VTI1A: variants seen among roughly 807,000 people sequenced by gnomAD.
VTI1A encodes the protein vesicle transport through interaction with t-SNAREs 1A.
A neutral mutation model predicts 34.9 loss-of-function variants in VTI1A; 22 were observed. That is an observed-to-expected ratio of 0.63 (90% CI 0.45 to 0.90). VTI1A has a LOEUF of 0.90. VTI1A is among the 40% of genes least tolerant of loss of function. The pLI is 0.00. For missense variants in VTI1A, 268 were observed against 275.6 expected (o/e 0.97, Z 0.20); for synonymous variants, 87 against 97.3 (o/e 0.89, Z 0.62).
At chr10:112,581,668 T>A (rs1362460134) in intron 5 of VTI1A, among the ~76,000 whole-genome samples, 1 of 152,222 alleles carries the variant, frequency 6.6e-6, no homozygotes, top group Non-Finnish European at 1.5e-5. Flanking sequence ...TTTCCATTTA[T>A]GTTTATAGAG....
At chr10:112,777,751 A>G (rs1330042128) in intron 7 of VTI1A, among the ~76,000 whole-genome samples, 3 of 152,228 alleles carry the variant, frequency 2.0e-5, no homozygotes, top group African/African-American at 7.2e-5. Context: ...GAAGTGCTGC[A>G]GTGAAACTCG....
intron 5 of VTI1A, among the ~76,000 whole-genome samples, chr10:112,638,485 A>C (rs1035189628): frequency 1.3e-5 from 2 of 152,186 alleles, no homozygotes; most frequent in African/African-American, 4.8e-5. Context: ...TCCCCTAAAT[A>C]TTTATTTATC....
At chr10:112,482,514 T>C (rs780483349) in intron 3 of VTI1A, among the ~76,000 whole-genome samples, 10 of 152,124 alleles carry the variant, frequency 6.6e-5, no homozygotes, top group Non-Finnish European at 1.0e-4. Flanking sequence ...AAAATGGCCG[T>C]AGATGGCACT....
chr10:112,503,542 G>A (rs1002644538), intron 3 of VTI1A, among the ~76,000 whole-genome samples: 3 of 152,160 alleles, frequency 2.0e-5, no homozygotes, highest in African/African-American at 7.2e-5. Context: ...TGTAATTAGT[G>A]AAATCTAAAA....
At chr10:112,770,846 G>T (rs1276326712) in intron 7 of VTI1A, among the ~76,000 whole-genome samples, 2 of 152,120 alleles carry the variant, frequency 1.3e-5, no homozygotes, top group Non-Finnish European at 2.9e-5. Context: ...AACAAATAGG[G>T]TTAGAGATGG....
chr10:112,627,512 C>T (rs969310366), intron 5 of VTI1A, among the ~76,000 whole-genome samples: 1 of 152,160 alleles, frequency 6.6e-6, no homozygotes, highest in Non-Finnish European at 1.5e-5. Context: ...CCCTACCCAT[C>T]TATCTCTCCC....
intron 7 of VTI1A, among the ~76,000 whole-genome samples, chr10:112,779,499 A>C (rs1311332810): frequency 6.6e-6 from 1 of 152,246 alleles, no homozygotes; most frequent in African/African-American, 2.4e-5. Context: ...GCTATGGGTC[A>C]GGTTATTCTA....
chr10:112,710,321 C>T (rs1284619815), intron 7 of VTI1A, among the ~76,000 whole-genome samples: 2 of 151,852 alleles, frequency 1.3e-5, no homozygotes, highest in Admixed American at 6.6e-5. Flanking sequence ...GATTCTCCTG[C>T]CTCGGCCTCC....
intron 3 of VTI1A, among the ~76,000 whole-genome samples, chr10:112,506,411 G>A (rs1849429821): frequency 6.6e-6 from 1 of 152,106 alleles, no homozygotes; most frequent in African/African-American, 2.4e-5. Flanking sequence ...GGAGGTCTTG[G>A]AATACATCCC....
chr10:112,558,410 C>A (rs796529606), intron 5 of VTI1A, among the ~76,000 whole-genome samples: 1 of 152,024 alleles, frequency 6.6e-6, no homozygotes, highest in African/African-American at 2.4e-5. Context: ...TTACAGGGAG[C>A]TGGGAAAAGA....
intron 7 of VTI1A, among the ~76,000 whole-genome samples, chr10:112,734,928 A>G (rs1314052913): frequency 1.3e-5 from 2 of 152,084 alleles, no homozygotes; most frequent in Non-Finnish European, 2.9e-5. Context: ...AACTGCGCCC[A>G]GCCCTCAATA....
intron 7 of VTI1A, among the ~76,000 whole-genome samples, chr10:112,773,710 C>A (rs1270683195): frequency 6.6e-6 from 1 of 152,142 alleles, no homozygotes; most frequent in Non-Finnish European, 1.5e-5. Flanking sequence ...TCCGGTGCAT[C>A]CTAAATGTGG....
At chr10:112,537,587 A>T (rs1850693980) in intron 4 of VTI1A, among the ~76,000 whole-genome samples, 1 of 152,058 alleles carries the variant, frequency 6.6e-6, no homozygotes, top group African/African-American at 2.4e-5. Context: ...GTGTTAAAAT[A>T]TCAACATCAA....
chr10:112,795,376 A>ATT (rs1482005293), intron 7 of VTI1A, among the ~76,000 whole-genome samples: 1 of 151,060 alleles, frequency 6.6e-6, no homozygotes, highest in Non-Finnish European at 1.5e-5. Context: ...ACTAAAAAAA[A>ATT]TTTTTAAATA....
chr10:112,447,441 T>C lies in VTI1A; in HGVS notation c.68T>C (p.Ile23Thr), dbSNP rs757188958. 1.9e-6 allele frequency: 3 copies of C among 1,613,640 alleles called. No homozygotes were observed. Among genetic ancestry groups the C allele is most frequent in the East Asian group, 2.2e-5 (1 of 44,872 alleles). ...AVLTAEITSK[I>T]ARVPRLPPDE... ...CTCACTGCAGAGATCACCAGCAAGA[T>C]TGCGAGGGTCCCACGACTCCCGCCT... Residue 23 changes from isoleucine to threonine, a missense_variant, in exon 1 of 8, where the codon ATT becomes ACT. Transcript: ENST00000393077.
chr10:112,514,778 T>C (rs1849718413), intron 3 of VTI1A, among the ~76,000 whole-genome samples: 1 of 151,990 alleles, frequency 6.6e-6, no homozygotes, highest in South Asian at 2.1e-4. Context: ...TTTAACAAAA[T>C]GTAGCGGTAA....
chr10:112,805,903 C>T (rs1853057373), intron 7 of VTI1A, among the ~76,000 whole-genome samples: 1 of 152,126 alleles, frequency 6.6e-6, no homozygotes, highest in Non-Finnish European at 1.5e-5. Flanking sequence ...TTGTTGAAGC[C>T]GCCCAGTCTG....
chr10:112,568,790 C>G (rs946968232), intron 5 of VTI1A, among the ~76,000 whole-genome samples: 2 of 152,136 alleles, frequency 1.3e-5, no homozygotes, highest in African/African-American at 4.8e-5. Flanking sequence ...TTTTTCCCCC[C>G]ACTTTCTGTA....
Position 112,816,924 on chromosome 10 carries a change from G to C in VTI1A, c.*1541G>C, listed in dbSNP as rs548926986. 1 of 230,968 alleles carries C rather than the reference G, an allele frequency of 4.3e-6. No homozygotes were observed. The highest frequency in any genetic ancestry group is 1.8e-4 in the South Asian group (1 of 5,504). The allele number at this position is 230,968 out of a possible 1,614,324, so 14.3% of individuals were successfully genotyped here. On this transcript the variant is annotated 3_prime_UTR_variant, in exon 8 of 8. Transcript: ENST00000393077. ...ACAGGCCAAGGCCTGCATGTGTTCGGATAAATCATTTAGTATTGTGTAAAT... is the reference window on the plus strand; with the variant it reads ...ACAGGCCAAGGCCTGCATGTGTTCGCATAAATCATTTAGTATTGTGTAAAT...
Sources: allele counts gnomAD v4.1 joint callset (sites outside exome capture counted in the v4.1 genomes callset), GRCh38; gene constraint gnomAD v4.1.1; transcripts MANE v1.5; gene names NCBI Gene and HGNC (gene_info 2026-07-23, HGNC 2026-07-21).